NUBPL: variants seen among roughly 807,000 people sequenced by gnomAD.
The protein encoded by NUBPL is NUBP iron-sulfur cluster assembly factor, mitochondrial.
In NUBPL, 31 loss-of-function variants were observed where a neutral mutation model predicts 45.7. The ratio of observed to expected loss-of-function variants is 0.68; its 90% CI spans 0.51 to 0.92. The LOEUF (loss-of-function observed/expected upper bound fraction) is 0.92. NUBPL is among the 40% of genes least tolerant of loss of function. The pLI is 0.00. For missense variants in NUBPL, 401 were observed against 398.7 expected (o/e 1.01, Z -0.05); for synonymous variants, 144 against 140.9 (o/e 1.02, Z -0.15).
intron 6 of NUBPL, among the ~76,000 whole-genome samples, chr14:31,705,794 C>A (rs185124328): frequency 2.5e-4 from 38 of 152,268 alleles, no homozygotes; most frequent in Middle Eastern, 6.8e-3. Flanking sequence ...TGGCAGTCGC[C>A]GTGGGACTTT....
intron 4 of NUBPL, among the ~76,000 whole-genome samples, chr14:31,600,995 A>G (rs1171120325): frequency 4.6e-5 from 7 of 152,106 alleles, no homozygotes; most frequent in African/African-American, 1.7e-4. Context: ...TCCCAGCACC[A>G]TTTATTAAAT....
At chr14:31,587,480 A>T (rs764925315) in intron 3 of NUBPL, among the ~76,000 whole-genome samples, 1 of 152,226 alleles carries the variant, frequency 6.6e-6, no homozygotes. Context: ...GGCTATTATT[A>T]TGTGTTAGCT....
At chr14:31,666,177 A>G (rs772200759) in intron 4 of NUBPL, among the ~76,000 whole-genome samples, 9 of 139,886 alleles carry the variant, frequency 6.4e-5, no homozygotes, top group Non-Finnish European at 3.1e-5. Flanking sequence ...TCTTTATCCA[A>G]TTTGCCAGTC....
Position 31,750,316 on chromosome 14 carries a change from C to T in NUBPL, c.514-37464C>T, listed in dbSNP as rs560313442. 8.8e-3 allele frequency among the ~76,000 whole-genome samples: 1,324 copies of T among 149,908 alleles called. 11 individuals are homozygous for T. The highest frequency in any genetic ancestry group is 0.017 in the Middle Eastern group (5 of 292). ...CAGCCTCTCCGAGTAGCTGGGACTA[C>T]AGGCGCCCACCACCACGCCCGGCTA... On this transcript the variant is annotated intron_variant, in intron 6 of 10. Transcript: ENST00000281081.
At chr14:31,701,414 G>A (rs773542737) in intron 6 of NUBPL, among the ~76,000 whole-genome samples, 15 of 152,348 alleles carry the variant, frequency 9.8e-5, no homozygotes, top group South Asian at 8.3e-4. Flanking sequence ...GCAGGATGTG[G>A]GTGGGGTCAG....
chr14:31,820,751 G>C (rs1270346452), intron 7 of NUBPL, among the ~76,000 whole-genome samples: 2 of 151,124 alleles, frequency 1.3e-5, no homozygotes, highest in South Asian at 4.2e-4. Flanking sequence ...TTGAATCCGG[G>C]AGGTGGAGGT....
intron 6 of NUBPL, among the ~76,000 whole-genome samples, chr14:31,728,980 A>G (rs2037986139): frequency 6.6e-6 from 1 of 152,198 alleles, no homozygotes; most frequent in South Asian, 2.1e-4. Context: ...TTACTCATTT[A>G]TAATTATTCA....
chr14:31,798,067 C>T (rs2039498592), intron 7 of NUBPL, among the ~76,000 whole-genome samples: 1 of 149,012 alleles, frequency 6.7e-6, no homozygotes. Flanking sequence ...TTGGCCCCCA[C>T]TCTCTTCTGG....
chr14:31,823,730 T>A (rs887110259), intron 7 of NUBPL, among the ~76,000 whole-genome samples: 12 of 152,126 alleles, frequency 7.9e-5, no homozygotes, highest in Non-Finnish European at 1.3e-4. Flanking sequence ...TGATTCTTAG[T>A]TATTTGTTTG....
At chr14:31,688,060 A>G (rs2036995649) in intron 6 of NUBPL, among the ~76,000 whole-genome samples, 1 of 152,236 alleles carries the variant, frequency 6.6e-6, no homozygotes, top group Non-Finnish European at 1.5e-5. Context: ...TTGCTATAGT[A>G]AAGCATGCCT....
intron 4 of NUBPL, among the ~76,000 whole-genome samples, chr14:31,603,312 A>G (rs183318450): frequency 0.019 from 2,918 of 149,714 alleles, 40 homozygotes; most frequent in Non-Finnish European, 0.033. Context: ...AAAAAAAAAA[A>G]AAAAAGAAAA....
intron 4 of NUBPL, among the ~76,000 whole-genome samples, chr14:31,639,293 T>A (rs1336270631): frequency 6.6e-6 from 1 of 152,212 alleles, no homozygotes; most frequent in Non-Finnish European, 1.5e-5. Context: ...TTAGTTTTCC[T>A]TCTAACAGAC....
At chr14:31,854,939 G>T (rs753075584) in intron 10 of NUBPL, among the ~76,000 whole-genome samples, 1 of 152,202 alleles carries the variant, frequency 6.6e-6, no homozygotes, top group East Asian at 1.9e-4. Context: ...ACTTTCAGTG[G>T]TTTCTCAGCA....
At chr14:31,806,752 C>T (rs2039694834) in intron 7 of NUBPL, among the ~76,000 whole-genome samples, 1 of 151,878 alleles carries the variant, frequency 6.6e-6, no homozygotes, top group South Asian at 2.1e-4. Context: ...GGTATTTCTA[C>T]TACTGCTATC....
At chr14:31,780,243 T>TC (rs1368070221) in intron 6 of NUBPL, among the ~76,000 whole-genome samples, 1 of 151,370 alleles carries the variant, frequency 6.6e-6, no homozygotes, top group East Asian at 1.9e-4. Context: ...TTTGTATTTT[T>TC]TTTTTTAGTA....
intron 4 of NUBPL, among the ~76,000 whole-genome samples, chr14:31,605,743 T>C (rs1566442688): frequency 6.6e-6 from 1 of 151,570 alleles, no homozygotes; most frequent in Non-Finnish European, 1.5e-5. Flanking sequence ...TTCTTCTTCT[T>C]CTTCCTTCCT....
chr14:31,663,189 G>T (rs765017081), intron 4 of NUBPL, among the ~76,000 whole-genome samples: 13 of 152,114 alleles, frequency 8.5e-5, no homozygotes, highest in Middle Eastern at 3.2e-3. Flanking sequence ...TCTGTAGGTT[G>T]CCTGTTCACT....
At chr14:31,710,737 T>A (rs1351358507) in intron 6 of NUBPL, among the ~76,000 whole-genome samples, 1 of 152,142 alleles carries the variant, frequency 6.6e-6, no homozygotes, top group Admixed American at 6.5e-5. Flanking sequence ...GTGACACCTT[T>A]TGTCTTCACT....
chr14:31,585,680 A>C (rs1025592775), intron 3 of NUBPL, among the ~76,000 whole-genome samples: 1 of 152,016 alleles, frequency 6.6e-6, no homozygotes. Flanking sequence ...TGAGGATTTG[A>C]TTTTCTCTAT....
Sources: allele counts gnomAD v4.1 joint callset (sites outside exome capture counted in the v4.1 genomes callset), GRCh38; gene constraint gnomAD v4.1.1; transcripts MANE v1.5; gene names NCBI Gene and HGNC (gene_info 2026-07-23, HGNC 2026-07-21).